Variants in ANKHD1 observed in about 807,000 individuals in gnomAD.
ANKHD1 encodes the protein ankyrin repeat and KH domain-containing protein 1.
Under a neutral mutation model 230.5 loss-of-function variants are expected in ANKHD1, and 31 were observed. The ratio of observed to expected loss-of-function variants is 0.13; its 90% CI spans 0.10 to 0.18. The LOEUF is 0.18. Among genes scored for constraint, ANKHD1 ranks in the 10% least tolerant of loss-of-function variants. The pLI is 1.00. For missense variants in ANKHD1, 2,256 were observed against 3,071.3 expected (o/e 0.73, Z 6.27); for synonymous variants, 1,074 against 1,117.6 (o/e 0.96, Z 0.78).
chr5:140,439,477 C>G (rs1773689456), intron 3 of ANKHD1, among the ~76,000 whole-genome samples: 1 of 152,096 alleles, frequency 6.6e-6, no homozygotes, highest in South Asian at 2.1e-4. Context: ...CAAGACCAGC[C>G]TGGACAACAT....
At position 140,506,742 on chromosome 5, in the gene ANKHD1, A is replaced by C. The variant is rs1040863973; in HGVS notation, c.3409-93A>C. The C allele has an allele frequency of 6.5e-7, 1 of 1,531,956 alleles. No individual in the cohort carries two copies. Among genetic ancestry groups the C allele is most frequent in the Non-Finnish European group, 8.8e-7 (1 of 1,134,638 alleles). The allele number at this position is 1,531,956 out of a possible 1,614,324, so 94.9% of individuals were successfully genotyped here. On this transcript the variant is annotated intron_variant, in intron 18 of 33. Transcript: ENST00000360839. This position sits in a 1 kb window ranked among gnomAD's most constrained non-coding sequence, Gnocchi z 4.7. ...AATTAAAATATCAGATATTTAGATA[A>C]GGAAGTTATAAGTCCTGTTTCTTTG...
chr5:140,433,902 A>G (rs115219524), intron 1 of ANKHD1, among the ~76,000 whole-genome samples: 8 of 152,120 alleles, frequency 5.3e-5, no homozygotes, highest in African/African-American at 1.9e-4. Context: ...TTGGCCTTAC[A>G]TTAAGCTGTT....
intron 24 of ANKHD1, among the ~76,000 whole-genome samples, chr5:140,516,886 G>A (rs1235304852): frequency 8.6e-5 from 13 of 151,538 alleles, no homozygotes. Context: ...ATCAACTAAC[G>A]AGCAAAATAA....
In ANKHD1 at chr5:140,528,734, A is replaced by G. The variant is rs367631785; in HGVS notation, c.5788A>G (p.Thr1930Ala). 1.2e-6 allele frequency: 2 copies of G among 1,614,178 alleles called. No individual in the cohort carries two copies. Among genetic ancestry groups the G allele is most frequent in the Non-Finnish European group, 1.7e-6 (2 of 1,180,030 alleles). ...ACCCTCAGAGTCTGCTGGACTAGCT[A>G]CTGCCAGTTGTCCTATCACTGTCTC... ...VLPSESAGLA[T>A]ASCPITVSSV... The change falls in exon 29 of 34, where the codon ACT becomes GCT. Residue 1930 changes from threonine (T) to alanine (A), a missense_variant. By Grantham distance (58) the Thr-to-Ala change is moderately conservative. This residue lies in a region of ANKHD1 where 778 missense variants were observed against 966.5 expected (regional missense o/e 0.80). Coordinates refer to ENST00000360839, the MANE Select transcript of ANKHD1 (RefSeq NM_017747.3).
intron 6 of ANKHD1, among the ~76,000 whole-genome samples, chr5:140,447,908 A>G (rs1483201381): frequency 6.6e-6 from 1 of 152,222 alleles, no homozygotes; most frequent in African/African-American, 2.4e-5. Context: ...GCTACACATA[A>G]CTGCAAGAGG....
chr5:140,472,556 A>G (rs1453992894), intron 10 of ANKHD1: 1 of 873,696 alleles, frequency 1.1e-6, no homozygotes, highest in Non-Finnish European at 1.5e-6. Flanking sequence ...TTATTCAGGT[A>G]GTTCTTTTAC....
intron 32 of ANKHD1, 95 bp downstream of exon 32, chr5:140,538,356 T>C: frequency 1.3e-6 from 2 of 1,532,720 alleles, no homozygotes. Flanking sequence ...TGCTCCCTTT[T>C]GTTTCTGTGG....
chr5:140,482,972 A>G (rs190227170), intron 11 of ANKHD1, among the ~76,000 whole-genome samples: 23 of 152,338 alleles, frequency 1.5e-4, no homozygotes, highest in East Asian at 7.7e-4. Context: ...TGATGAGTCT[A>G]TTCTGCTGGA....
At chr5:140,521,846 G>T (rs1347314923) in intron 24 of ANKHD1, among the ~76,000 whole-genome samples, 1 of 152,168 alleles carries the variant, frequency 6.6e-6, no homozygotes, top group Non-Finnish European at 1.5e-5. Context: ...AGGCATGGTG[G>T]CACACGCCTG....
chr5:140,459,627 G>C (rs1192776840), intron 9 of ANKHD1, among the ~76,000 whole-genome samples: 2 of 151,994 alleles, frequency 1.3e-5, no homozygotes, highest in African/African-American at 4.8e-5. Context: ...ATTGCTAAGA[G>C]TAGATTTAAA....
intron 1 of ANKHD1, among the ~76,000 whole-genome samples, chr5:140,421,366 TCTCGGCTCACTGCAAC>T (rs1446395483): frequency 6.7e-6 from 1 of 149,972 alleles, no homozygotes; most frequent in Non-Finnish European, 1.5e-5. Context: ...AGTGGCGTGA[TCTCGGCTCACTGCAAC>T]CTCTGCCTCC....
intron 32 of ANKHD1, 46 bp from the exon 33 acceptor site, chr5:140,538,855 GATTTATAGTAATTTTATA>G (rs1367174052): frequency 1.2e-5 from 16 of 1,363,104 alleles, no homozygotes; most frequent in Non-Finnish European, 1.5e-5. Flanking sequence ...GGTATTATGG[GATTTATAGTAATTTTATA>G]ATTTATAGTA....
chr5:140,402,054 G>T lies in ANKHD1; in HGVS notation c.87G>T (p.Ser29=). The part of the protein sequence containing the change: ...VAPRSAPAGA[S]EPPPPGGVGL... ...CGCGATCCGCCCCAGCTGGGGCCTC[G>T]GAGCCGCCTCCGCCGGGAGGGGTCG... The change falls in exon 1 of 34, where the codon TCG becomes TCT. Residue 29 remains serine (S), a synonymous_variant. Transcript: ENST00000360839. The T allele has an allele frequency of 2.7e-6, 4 of 1,490,928 alleles. No homozygotes were observed. The highest frequency in any genetic ancestry group is 3.6e-6 in the Non-Finnish European group (4 of 1,125,334). The allele number at this position is 1,490,928 out of a possible 1,614,324, so 92.4% of individuals were successfully genotyped here. A position where few individuals can be genotyped will look rare whatever the true frequency, so the allele number is the denominator to read the frequency against.
At chr5:140,466,938 G>GA (rs933289048) in intron 10 of ANKHD1, among the ~76,000 whole-genome samples, 83 of 132,168 alleles carry the variant, frequency 6.3e-4, no homozygotes, top group East Asian at 1.1e-3. Context: ...CCATCTGGGA[G>GA]AAAAAAAAAA....
chr5:140,507,639 ATTC>A lies in ANKHD1; in HGVS notation c.3552-143_3552-141del. 1 of 1,026,704 alleles carries A rather than the reference ATTC, an allele frequency of 9.7e-7. No homozygotes were observed. The highest frequency in any genetic ancestry group is 1.4e-6 in the Non-Finnish European group (1 of 724,588). 63.6% of individuals were successfully genotyped at this position (1,026,704 alleles called of 1,614,324 possible). ...ATGTTTTAAATTGTGACATTTTCTT[ATTC>A]TTTATTATTGGTCGAAACAAGTAAA... On this transcript the variant is annotated intron_variant, in intron 19 of 33. Coordinates refer to ENST00000360839, the MANE Select transcript of ANKHD1 (RefSeq NM_017747.3). The surrounding 1 kb of genome is among the most constrained non-coding windows in gnomAD (Gnocchi z 4.1).
At chr5:140,417,569 C>G (rs923080476) in intron 1 of ANKHD1, among the ~76,000 whole-genome samples, 6 of 151,942 alleles carry the variant, frequency 3.9e-5, no homozygotes, top group African/African-American at 1.4e-4. Context: ...CCACCTCGGC[C>G]TCCTAAGTAT....
intron 1 of ANKHD1, among the ~76,000 whole-genome samples, chr5:140,409,653 A>G (rs1005183633): frequency 2.0e-5 from 3 of 151,716 alleles, no homozygotes; most frequent in Non-Finnish European, 4.4e-5. Flanking sequence ...CCTGGGTTCA[A>G]GTGATTCTCC....
intron 10 of ANKHD1, among the ~76,000 whole-genome samples, chr5:140,481,696 G>A (rs535251298): frequency 6.6e-6 from 1 of 152,076 alleles, no homozygotes; most frequent in African/African-American, 2.4e-5. Context: ...TTAATTAGAA[G>A]AATATAGCTG....
At chr5:140,491,537 C>T (rs1751806748) in intron 14 of ANKHD1, among the ~76,000 whole-genome samples, 1 of 151,976 alleles carries the variant, frequency 6.6e-6, no homozygotes, top group Non-Finnish European at 1.5e-5. Flanking sequence ...CCTTTGTTTA[C>T]TCAGTACTGT....
Sources: allele counts gnomAD v4.1 joint callset (sites outside exome capture counted in the v4.1 genomes callset), GRCh38; gene constraint gnomAD v4.1.1; regional missense constraint gnomAD v4.1.1; non-coding constraint Gnocchi (gnomAD v3.1); transcripts MANE v1.5; gene names NCBI Gene and HGNC (gene_info 2026-07-23, HGNC 2026-07-21).